The following BMPER variants were observed in gnomAD, a reference collection of about 807,000 sequenced individuals.
BMPER encodes the protein BMP-binding endothelial regulator protein.
Under a neutral mutation model 87.3 loss-of-function variants are expected in BMPER, and 45 were observed. The observed-to-expected ratio is 0.52, with a 90% confidence interval of 0.41 to 0.66. The LOEUF (loss-of-function observed/expected upper bound fraction) is 0.66, where lower values mean the gene tolerates loss of function less well. BMPER is among the 30% of genes least tolerant of loss of function. BMPER has a pLI of 0.00. For synonymous variants in BMPER, 326 were observed against 316.2 expected (o/e 1.03, Z -0.33); for missense variants, 784 against 867.5 (o/e 0.90, Z 1.21).
At chr7:33,911,310 G>C (rs1209745929) in intron 2 of BMPER, among the ~76,000 whole-genome samples, 2 of 152,234 alleles carry the variant, frequency 1.3e-5, no homozygotes, top group African/African-American at 4.8e-5. Context: ...CAGGCTCAGA[G>C]AAGTAGAGCA....
At chr7:33,905,387 G>A, upstream of BMPER, 1 of 422,696 alleles carries the variant, frequency 2.4e-6, no homozygotes, top group Non-Finnish European at 4.3e-6. Context: ...CGCATCGGAG[G>A]AGCCTGGCCG....
intron 10 of BMPER, among the ~76,000 whole-genome samples, chr7:34,059,573 C>T (rs1788378591): frequency 6.7e-6 from 1 of 149,746 alleles, no homozygotes; most frequent in South Asian, 2.2e-4. Flanking sequence ...AGGCCCCGGC[C>T]TCAGGGGCCA....
At chr7:34,058,231 C>T in intron 10 of BMPER, 68 bp downstream of exon 10, 1 of 1,425,270 alleles carries the variant, frequency 7.0e-7, no homozygotes, top group South Asian at 1.2e-5. Context: ...GGCACAGTCG[C>T]ATGCCATCTT....
chr7:34,105,826 A>G (rs769661023), intron 13 of BMPER, among the ~76,000 whole-genome samples: 19 of 152,188 alleles, frequency 1.2e-4, no homozygotes, highest in Non-Finnish European at 7.3e-5. Flanking sequence ...AACAATGTTC[A>G]TTGATGCCCT....
rs994396747 is a variant in BMPER, at chr7:34,154,296, C to A, written c.*1023C>A. ...TAGACAGTGGAAAAGCCTTTATTGA[C>A]TAATTGATTTAACCTCAGTCCAAAG... On this transcript the variant is annotated 3_prime_UTR_variant, in exon 15 of 15. Coordinates refer to ENST00000649409, the MANE Select transcript of BMPER (RefSeq NM_001365308.1). 1 of 152,214 alleles carries A rather than the reference C, an allele frequency of 6.6e-6. No homozygotes were observed. Among genetic ancestry groups the A allele is most frequent in the Non-Finnish European group, 1.5e-5 (1 of 68,034 alleles). 9.4% of individuals were successfully genotyped at this position (152,214 alleles called of 1,614,324 possible).
At chr7:33,980,276 T>C (rs1245289593) in intron 6 of BMPER, among the ~76,000 whole-genome samples, 1 of 152,250 alleles carries the variant, frequency 6.6e-6, no homozygotes, top group Non-Finnish European at 1.5e-5. Context: ...AGCTGTTCCA[T>C]ATAGCGGTCT....
chr7:34,026,850 C>A (rs377330382), intron 6 of BMPER, among the ~76,000 whole-genome samples: 1 of 152,168 alleles, frequency 6.6e-6, no homozygotes, highest in South Asian at 2.1e-4. Flanking sequence ...GTGTAAATGA[C>A]TATTATGGAT....
chr7:33,933,936 T>TG (rs1309879158), intron 2 of BMPER, among the ~76,000 whole-genome samples: 11 of 152,256 alleles, frequency 7.2e-5, no homozygotes, highest in African/African-American at 2.4e-4. Context: ...GAATTTTTGG[T>TG]GAAAAAAATG....
chr7:33,985,043 A>C (rs17170511), intron 6 of BMPER, among the ~76,000 whole-genome samples: 3,502 of 152,328 alleles, frequency 0.023, 152 homozygotes, highest in African/African-American at 0.08. Context: ...GGGCATTCAA[A>C]AATGAAGAGG....
chr7:33,913,960 A>ATTT (rs59183615), intron 2 of BMPER, among the ~76,000 whole-genome samples: 1 of 134,292 alleles, frequency 7.4e-6, no homozygotes, highest in African/African-American at 2.8e-5. Flanking sequence ...TTTTAGCACA[A>ATTT]TTTTTTTTTT....
chr7:33,905,679 G>C lies in BMPER; in HGVS notation c.66G>C (p.Thr22=), dbSNP rs758141907. Reference sequence around the variant, plus strand: ...ACTGCCGCCGCTCGCCTGGGATTACGTGCTGCGTCTTGCTGCTACTCAATT... The same window carrying C: ...ACTGCCGCCGCTCGCCTGGGATTACCTGCTGCGTCTTGCTGCTACTCAATT... ...ERYCRRSPGI[T]CCVLLLLNCS... Residue 22 remains threonine (T), a synonymous_variant, in exon 1 of 15, where the codon ACG becomes ACC. Coordinates refer to ENST00000649409, the MANE Select transcript of BMPER (RefSeq NM_001365308.1). 6.2e-7 allele frequency: 1 copy of C among 1,613,520 alleles called. No individual in the cohort carries two copies. Among genetic ancestry groups the C allele is most frequent in the Admixed American group, 1.7e-5 (1 of 60,006 alleles).
Position 33,907,718 on chromosome 7 carries a change from T to C in BMPER, c.219+815T>C, listed in dbSNP as rs192528230. Among the ~76,000 whole-genome samples, 894 of 152,276 alleles carry C rather than the reference T, an allele frequency of 5.9e-3. 7 individuals carry two copies. The highest frequency in any genetic ancestry group is 0.02 in the African/African-American group (846 of 41,564). ...ACATGCCAATCACTTTTGGCAAAAT[T>C]TGGTTAGAAACTACACATTATAAAA... On this transcript the variant is annotated intron_variant, in intron 2 of 14. Transcript: ENST00000649409.
In BMPER at chr7:34,074,387, C is replaced by T. The variant is rs115600530; in HGVS notation, c.1079-4470C>T. Among the ~76,000 whole-genome samples, 571 of 152,318 alleles carry T rather than the reference C, an allele frequency of 3.7e-3. 4 individuals carry two copies. The highest frequency in any genetic ancestry group is 0.013 in the African/African-American group (520 of 41,568). ...GACATTCTGTGCAAGATGGGGGGCT[C>T]CTGAATGGAGAAGTTCGGGTCGTTC... On this transcript the variant is annotated intron_variant, in intron 11 of 14. Coordinates refer to ENST00000649409, the MANE Select transcript of BMPER (RefSeq NM_001365308.1).
chr7:34,059,898 C>A (rs970519434), intron 10 of BMPER, among the ~76,000 whole-genome samples: 1 of 152,056 alleles, frequency 6.6e-6, no homozygotes, highest in Non-Finnish European at 1.5e-5. Flanking sequence ...TCTCCTCCCC[C>A]ATCCTGCAAC....
At chr7:34,138,340 A>G (rs10245466) in intron 13 of BMPER, among the ~76,000 whole-genome samples, 4,097 of 152,280 alleles carry the variant, frequency 0.027, 171 homozygotes, top group African/African-American at 0.092. Context: ...GCTATGAGGA[A>G]CAGGGTTAAA....
chr7:34,031,221 T>C (rs1271993319), intron 6 of BMPER, among the ~76,000 whole-genome samples: 2 of 152,072 alleles, frequency 1.3e-5, no homozygotes, highest in African/African-American at 4.8e-5. Flanking sequence ...CTACTATAAC[T>C]GCGGGGTTGC....
At chr7:34,031,941 CACATATATAT>C (rs1585756506) in intron 6 of BMPER, among the ~76,000 whole-genome samples, 2 of 127,472 alleles carry the variant, frequency 1.6e-5, no homozygotes, top group African/African-American at 3.0e-5. Context: ...CACACACACA[CACATATATAT>C]ACACACACAC....
intron 2 of BMPER, among the ~76,000 whole-genome samples, chr7:33,934,077 C>T (rs539568098): frequency 1.2e-4 from 19 of 152,284 alleles, no homozygotes; most frequent in Non-Finnish European, 2.2e-4. Flanking sequence ...ACAGTGGTGA[C>T]ACATAGTGCA....
intron 3 of BMPER, among the ~76,000 whole-genome samples, chr7:33,955,242 T>G (rs1785122004): frequency 6.6e-6 from 1 of 152,192 alleles, no homozygotes; most frequent in Non-Finnish European, 1.5e-5. Context: ...GGTGAATTTT[T>G]CTCTTTAATC....
Sources: allele counts gnomAD v4.1 joint callset (sites outside exome capture counted in the v4.1 genomes callset), GRCh38; gene constraint gnomAD v4.1.1; transcripts MANE v1.5; gene names NCBI Gene and HGNC (gene_info 2026-07-23, HGNC 2026-07-21).